TBL1X: variants seen among roughly 807,000 people sequenced by gnomAD.
The protein encoded by TBL1X is F-box-like/WD repeat-containing protein TBL1X.
TBL1X carries 10 observed loss-of-function variants against 50.7 expected under a neutral mutation model. That is an observed-to-expected ratio of 0.20 (90% CI 0.12 to 0.33). The LOEUF (loss-of-function observed/expected upper bound fraction) is 0.33. Ranked by LOEUF, TBL1X falls within the 10% of genes least tolerant of loss-of-function variation. TBL1X has a pLI of 1.00. For synonymous variants in TBL1X, 190 were observed against 214.7 expected (o/e 0.88, Z 1.01); for missense variants, 340 against 504.4 (o/e 0.67, Z 3.12).
intron 5 of TBL1X, among the ~76,000 whole-genome samples, chrX:9,682,363 C>A (rs967239514): frequency 8.9e-6 from 1 of 112,105 alleles, no homozygotes; most frequent in Admixed American, 9.4e-5. Flanking sequence ...CTAATGTAGG[C>A]AGTTATAGTT....
At chrX:9,480,884 A>G (rs1292824976) in intron 1 of TBL1X, among the ~76,000 whole-genome samples, 2 of 109,958 alleles carry the variant, frequency 1.8e-5, no homozygotes, top group Non-Finnish European at 3.8e-5. Context: ...TCAGGTATGC[A>G]ATAGTGTTTG....
intron 2 of TBL1X, among the ~76,000 whole-genome samples, chrX:9,532,807 A>G (rs1057090917): frequency 4.5e-5 from 5 of 111,077 alleles, no homozygotes; most frequent in African/African-American, 1.6e-4. Flanking sequence ...TAATGACCTC[A>G]TTTTACCTTA....
chrX:9,706,931 C>T (rs1446010070), intron 13 of TBL1X, among the ~76,000 whole-genome samples: 3 of 111,718 alleles, frequency 2.7e-5, no homozygotes, highest in East Asian at 2.8e-4. Flanking sequence ...ATCCTCTGCA[C>T]GCCCTGGGGA....
At chrX:9,656,393 C>T (rs1209911720) in intron 5 of TBL1X, among the ~76,000 whole-genome samples, 4 of 112,877 alleles carry the variant, frequency 3.5e-5, no homozygotes, top group Admixed American at 1.9e-4. Context: ...CCACGTGCTC[C>T]GGTAACCTGG....
chrX:9,676,351 G>A (rs1237623895), intron 5 of TBL1X, among the ~76,000 whole-genome samples: 4 of 111,980 alleles, frequency 3.6e-5, no homozygotes, highest in East Asian at 2.8e-4. Context: ...AGGTTGTCTC[G>A]TTGTCCTAGC....
intron 16 of TBL1X, among the ~76,000 whole-genome samples, chrX:9,713,816 C>T (rs1406978224): frequency 1.8e-5 from 2 of 109,896 alleles, no homozygotes; most frequent in Non-Finnish European, 3.8e-5. Context: ...GTAATACTGC[C>T]GACACACACC....
Position 9,490,232 on chromosome X carries a change from A to G in TBL1X, c.-200-11548A>G, listed in dbSNP as rs1000801555. ...GCAGTCCTCCCACCTCGGCCTCCCA[A>G]AGTGCAGGGATTACAGGTGTGAGCC... is the stretch of plus-strand genomic sequence containing the variant. On this transcript the variant is annotated intron_variant, in intron 1 of 17. Coordinates refer to ENST00000645353, the MANE Select transcript of TBL1X (RefSeq NM_005647.4). Among the ~76,000 whole-genome samples, 6 of 111,700 alleles carry G rather than the reference A, an allele frequency of 5.4e-5. No homozygotes were observed. In the Admixed American group the frequency reaches 5.7e-4, roughly 11 times the overall value.
At chrX:9,651,486 T>G (rs772109004) in intron 3 of TBL1X, among the ~76,000 whole-genome samples, 20 of 112,238 alleles carry the variant, frequency 1.8e-4, no homozygotes, top group African/African-American at 6.4e-4. Flanking sequence ...AAACCTAAAC[T>G]CTATACATTT....
chrX:9,551,371 G>A (rs1331583682), intron 2 of TBL1X, among the ~76,000 whole-genome samples: 1 of 110,897 alleles, frequency 9.0e-6, no homozygotes, highest in Non-Finnish European at 1.9e-5. Flanking sequence ...CGGCGAACAC[G>A]TTCTCATGCA....
intron 1 of TBL1X, among the ~76,000 whole-genome samples, chrX:9,477,986 T>TC: frequency 9.0e-6 from 1 of 111,508 alleles, no homozygotes. Context: ...GACTTTGCCT[T>TC]CCGCCCCTTC....
chrX:9,539,338 T>G (rs2082204127), intron 2 of TBL1X, among the ~76,000 whole-genome samples: 1 of 111,565 alleles, frequency 9.0e-6, no homozygotes, highest in South Asian at 3.8e-4. Context: ...TTTTCCTGCT[T>G]GCTTTTCCTA....
chrX:9,538,831 T>C (rs2082201671), intron 2 of TBL1X, among the ~76,000 whole-genome samples: 1 of 112,800 alleles, frequency 8.9e-6, no homozygotes, highest in African/African-American at 3.2e-5. Flanking sequence ...GGGGAAAGGT[T>C]GCATGGCCCA....
chrX:9,673,576 T>C (rs1164367150), intron 5 of TBL1X, among the ~76,000 whole-genome samples: 1 of 112,376 alleles, frequency 8.9e-6, no homozygotes, highest in African/African-American at 3.2e-5. Flanking sequence ...TTGGAATCTT[T>C]CTCATTTTTT....
chrX:9,639,531 T>G (rs2146587046), intron 2 of TBL1X, among the ~76,000 whole-genome samples: 1 of 112,213 alleles, frequency 8.9e-6, no homozygotes, highest in African/African-American at 3.2e-5. Flanking sequence ...GACTGAGAAA[T>G]AAAAACAATT....
chrX:9,655,490 A>G (rs2082860226), intron 5 of TBL1X, among the ~76,000 whole-genome samples: 1 of 111,796 alleles, frequency 8.9e-6, no homozygotes, highest in Non-Finnish European at 1.9e-5. Context: ...CAATAATTAC[A>G]TCTGCAGTGA....
chrX:9,662,925 C>G (rs960893998), intron 5 of TBL1X, among the ~76,000 whole-genome samples: 1 of 111,963 alleles, frequency 8.9e-6, no homozygotes, highest in South Asian at 3.7e-4. Context: ...CCATTGCATT[C>G]CAGCCTGGAC....
At chrX:9,694,450 C>T (rs1007664049) in intron 11 of TBL1X, among the ~76,000 whole-genome samples, 1 of 110,680 alleles carries the variant, frequency 9.0e-6, no homozygotes, top group Admixed American at 9.7e-5. Context: ...CAAAACTTAG[C>T]TGGGCATGGT....
chrX:9,464,566 G>T (rs745599160), upstream of TBL1X, among the ~76,000 whole-genome samples: 3 of 110,721 alleles, frequency 2.7e-5, no homozygotes, highest in African/African-American at 9.9e-5. Flanking sequence ...CTTCCTTTTT[G>T]GGGTGGGGGA....
chrX:9,491,327 TATATATATA>T (rs1218703398), intron 1 of TBL1X, among the ~76,000 whole-genome samples: 8 of 30,171 alleles, frequency 2.7e-4, no homozygotes, highest in African/African-American at 6.6e-4. Flanking sequence ...TATATATATA[TATATATATA>T]TATTTTTTTT....
Sources: gnomAD v4.1 joint callset for allele counts (sites outside exome capture counted in the v4.1 genomes callset) on GRCh38, gnomAD v4.1.1 for gene constraint, MANE v1.5 for transcripts, NCBI Gene and HGNC (gene_info 2026-07-23, HGNC 2026-07-21) for gene names.